Variants in SIK2 observed in about 807,000 individuals in gnomAD.
SIK2 encodes serine/threonine-protein kinase SIK2.
SIK2 carries 29 observed loss-of-function variants against 103.2 expected under a neutral mutation model. The ratio of observed to expected loss-of-function variants is 0.28; its 90% CI spans 0.21 to 0.38. The LOEUF (loss-of-function observed/expected upper bound fraction) is 0.38. Ranked by LOEUF, SIK2 falls within the 10% of genes least tolerant of loss-of-function variation. The pLI is 1.00. For synonymous variants in SIK2, 412 were observed against 446.1 expected (o/e 0.92, Z 0.96); for missense variants, 879 against 1,171.0 (o/e 0.75, Z 3.64).
At chr11:111,657,057 A>G (rs561359235) in intron 3 of SIK2, among the ~76,000 whole-genome samples, 6 of 152,294 alleles carry the variant, frequency 3.9e-5, no homozygotes, top group South Asian at 4.1e-4. Flanking sequence ...CTTGTATAAG[A>G]TGTGTTTTTT....
At chr11:111,644,110 AC>A (rs1167876215) in intron 3 of SIK2, among the ~76,000 whole-genome samples, 1 of 151,502 alleles carries the variant, frequency 6.6e-6, no homozygotes, top group Non-Finnish European at 1.5e-5. Flanking sequence ...ACATAGTGAA[AC>A]CCCATCTCTA....
chr11:111,663,327 T>C (rs1229285633), intron 3 of SIK2, among the ~76,000 whole-genome samples: 1 of 151,466 alleles, frequency 6.6e-6, no homozygotes, highest in Non-Finnish European at 1.5e-5. Context: ...GCAGAAAAGT[T>C]AGGAATTAAG....
rs1943956359 is a variant in SIK2 at position 111,726,072 on chromosome 11, C to A, written c.*1943C>A. On this transcript the variant is annotated 3_prime_UTR_variant, in exon 15 of 15. Coordinates refer to ENST00000304987, the MANE Select transcript of SIK2 (RefSeq NM_015191.3). ...ATTTAAGAGATCATTTCATTAAGAT[C>A]TCTAATCTGTTTTGAGTCTTTACAA... 6.6e-6 allele frequency: 1 copy of A among 152,160 alleles called. No individual in the cohort carries two copies. Among genetic ancestry groups the A allele is most frequent in the African/African-American group, 2.4e-5 (1 of 41,452 alleles). 9.4% of individuals were successfully genotyped at this position (152,160 alleles called of 1,614,324 possible).
intron 2 of SIK2, among the ~76,000 whole-genome samples, chr11:111,616,874 T>A (rs1941813867): frequency 6.6e-6 from 1 of 152,152 alleles, no homozygotes; most frequent in Non-Finnish European, 1.5e-5. Context: ...CGCTGCTTTT[T>A]AACTGCAGAG....
intron 3 of SIK2, chr11:111,672,131 G>GTCCACC: frequency 2.2e-6 from 1 of 445,498 alleles, no homozygotes; most frequent in South Asian, 1.9e-5. Context: ...CACACGGCCT[G>GTCCACC]GATGTTGGGG....
chr11:111,628,451 T>TTTCTTTCTTTCTTTCC (rs1202914561), intron 3 of SIK2, among the ~76,000 whole-genome samples: 27 of 144,868 alleles, frequency 1.9e-4, no homozygotes, highest in African/African-American at 6.8e-4. Context: ...TCTTTCTTTC[T>TTTCTTTCTTTCTTTCC]TTTTTGAGAC....
intron 8 of SIK2, among the ~76,000 whole-genome samples, chr11:111,709,185 G>C (rs890136289): frequency 6.6e-6 from 1 of 152,188 alleles, no homozygotes; most frequent in Non-Finnish European, 1.5e-5. Flanking sequence ...GCTTGTAGCT[G>C]GCTGTCTTTT....
chr11:111,678,575 T>C (rs1479093632), intron 3 of SIK2, among the ~76,000 whole-genome samples: 1 of 152,226 alleles, frequency 6.6e-6, no homozygotes, highest in African/African-American at 2.4e-5. Flanking sequence ...CTGAGATATT[T>C]AGGGTGCTTT....
chr11:111,644,180 T>A (rs1942221584), intron 3 of SIK2, among the ~76,000 whole-genome samples: 1 of 150,612 alleles, frequency 6.6e-6, no homozygotes, highest in Non-Finnish European at 1.5e-5. Context: ...TCCCAGCTAC[T>A]TGGGAGGCTG....
rs1431896790 is a variant in SIK2 at position 111,723,677 on chromosome 11, G to A, written c.2329G>A (p.Val777Ile). The change falls in exon 15 of 15, where the codon GTC becomes ATC. Residue 777 changes from valine (V) to isoleucine (I), a missense_variant. By Grantham distance (29) the Val-to-Ile change is conservative (BLOSUM62 3). Coordinates refer to ENST00000304987, the MANE Select transcript of SIK2 (RefSeq NM_015191.3). ...CAGCCTGACCCAGCCCCTGAGCCCC[G>A]TCCTGGAGCCTTCCTCCGAGCAGAT... ...PFSLTQPLSPVLEPSSEQMQY... is the reference protein window; with the variant it reads ...PFSLTQPLSPILEPSSEQMQY... The A allele has an allele frequency of 1.2e-5, 19 of 1,613,586 alleles. No homozygotes were observed. The highest frequency in any genetic ancestry group is 3.3e-5 in the South Asian group (3 of 90,812).
At chr11:111,654,551 T>TA (rs1942367143) in intron 3 of SIK2, among the ~76,000 whole-genome samples, 1 of 152,220 alleles carries the variant, frequency 6.6e-6, no homozygotes, top group Non-Finnish European at 1.5e-5. Flanking sequence ...TCTATCTGTG[T>TA]AAAAACCAAA....
intron 3 of SIK2, among the ~76,000 whole-genome samples, chr11:111,646,616 T>TCACCCCC (rs1942261050): frequency 6.6e-6 from 1 of 152,136 alleles, no homozygotes; most frequent in African/African-American, 2.4e-5. Flanking sequence ...TCTTATCCCC[T>TCACCCCC]CACCCCCGGG....
rs1410894181 is a variant in SIK2, at chr11:111,721,002, A to G, written c.1884A>G (p.Ala628=). The G allele has an allele frequency of 6.2e-7, 1 of 1,614,228 alleles. No individual in the cohort carries two copies. The highest frequency in any genetic ancestry group is 1.7e-5 in the Admixed American group (1 of 60,028). Residue 628 remains alanine, a synonymous_variant, in exon 12 of 15, where the codon GCA becomes GCG. Coordinates refer to ENST00000304987, the MANE Select transcript of SIK2 (RefSeq NM_015191.3). ...TGTATGAACAAATAGGACCGGAGGC[A>G]GACCCTAACCTGGCGCCGGCGGCTC... ...QLLYEQIGPE[A]DPNLAPAAPQ... is the part of the protein sequence containing the mutation.
intron 1 of SIK2, among the ~76,000 whole-genome samples, chr11:111,605,858 C>T (rs1330657887): frequency 1.3e-5 from 2 of 152,184 alleles, no homozygotes; most frequent in East Asian, 3.8e-4. Context: ...ATTACATCAT[C>T]ATCTGAAGTG....
chr11:111,634,138 C>T (rs1942075150), intron 3 of SIK2, among the ~76,000 whole-genome samples: 1 of 152,062 alleles, frequency 6.6e-6, no homozygotes, highest in African/African-American at 2.4e-5. Flanking sequence ...ATTTCTGCTC[C>T]TTGATATGCT....
At chr11:111,621,364 G>A (rs930132613) in intron 3 of SIK2, among the ~76,000 whole-genome samples, 1 of 151,910 alleles carries the variant, frequency 6.6e-6, no homozygotes, top group Non-Finnish European at 1.5e-5. Flanking sequence ...TCTTTTTTTG[G>A]TCTAGCTTCT....
intron 4 of SIK2, among the ~76,000 whole-genome samples, chr11:111,697,225 T>G (rs985158842): frequency 6.6e-6 from 1 of 152,196 alleles, no homozygotes; most frequent in African/African-American, 2.4e-5. Context: ...GGATACTTCA[T>G]AGAACTAAGA....
chr11:111,619,537 GT>G (rs1413925620), intron 2 of SIK2, among the ~76,000 whole-genome samples: 1 of 152,056 alleles, frequency 6.6e-6, no homozygotes, highest in Non-Finnish European at 1.5e-5. Flanking sequence ...TAGAGACGGG[GT>G]TTTGCCATGT....
chr11:111,716,393 A>C (rs563410647), intron 9 of SIK2, among the ~76,000 whole-genome samples: 1 of 150,246 alleles, frequency 6.7e-6, no homozygotes, highest in South Asian at 2.1e-4. Context: ...CCTGGCCAAC[A>C]TGGCAAAACC....
Sources: gnomAD v4.1 joint callset for allele counts (sites outside exome capture counted in the v4.1 genomes callset) on GRCh38, gnomAD v4.1.1 for gene constraint, MANE v1.5 for transcripts, NCBI Gene and HGNC (gene_info 2026-07-23, HGNC 2026-07-21) for gene names.